ANKRD6: variants seen among roughly 807,000 people sequenced by gnomAD.
ANKRD6 encodes the protein ankyrin repeat domain 6.
Under a neutral mutation model 82.3 loss-of-function variants are expected in ANKRD6, and 56 were observed. That is an observed-to-expected ratio of 0.68 (90% confidence interval 0.55 to 0.85). The LOEUF (loss-of-function observed/expected upper bound fraction) is 0.85. Ranked by LOEUF, ANKRD6 falls within the 40% of genes least tolerant of loss-of-function variation. The pLI, the probability that ANKRD6 is intolerant of heterozygous loss-of-function variation, is 0.00. For missense variants in ANKRD6, 852 were observed against 907.6 expected, an observed-to-expected ratio of 0.94 and a Z score of 0.79; for synonymous variants, 347 against 352.1, an observed-to-expected ratio of 0.99 and a Z score of 0.16.
At chr6:89,620,820 C>T (rs1802956058) in intron 9 of ANKRD6, among the ~76,000 whole-genome samples, 1 of 152,122 alleles carries the variant, frequency 6.6e-6, no homozygotes, top group Non-Finnish European at 1.5e-5. Context: ...AATCCCAGCA[C>T]TTTGGGAGCC....
At chr6:89,484,512 T>C (rs1777150653) in intron 1 of ANKRD6, among the ~76,000 whole-genome samples, 1 of 152,226 alleles carries the variant, frequency 6.6e-6, no homozygotes, top group Admixed American at 6.5e-5. Flanking sequence ...TAGGACTCAC[T>C]TCCTTAACTG....
rs1051704576 is a variant in ANKRD6 at position 89,632,789 on chromosome 6, T to A, written c.*1785T>A. On this transcript the variant is annotated 3_prime_UTR_variant, in exon 16 of 16. Transcript: ENST00000339746. ...AATACAGAATTGTAGAGCTGGAGAG[T>A]ACCTTCAGTTTTCTAAATCTATTCT... 1.3e-5 allele frequency: 2 copies of A among 152,158 alleles called. No individual in the cohort carries two copies. Among genetic ancestry groups the A allele is most frequent in the Non-Finnish European group, 2.9e-5 (2 of 68,030 alleles). 9.4% of individuals were successfully genotyped at this position (152,158 alleles called of 1,614,324 possible). A position where few individuals can be genotyped will look rare whatever the true frequency, so the allele number is the denominator to read the frequency against.
chr6:89,435,531 A>AT (rs1295014171), intron 1 of ANKRD6, among the ~76,000 whole-genome samples: 29 of 152,252 alleles, frequency 1.9e-4, no homozygotes, highest in Non-Finnish European at 3.8e-4. Context: ...AAAGCAGGCT[A>AT]TTGAGGGTAA....
chr6:89,504,386 G>GTC (rs975915590), intron 1 of ANKRD6, among the ~76,000 whole-genome samples: 1 of 151,628 alleles, frequency 6.6e-6, no homozygotes, highest in African/African-American at 2.4e-5. Context: ...TTGTAGGACA[G>GTC]TCTCTCTCTC....
At chr6:89,549,937 G>GA (rs1295287271) in intron 1 of ANKRD6, among the ~76,000 whole-genome samples, 9 of 150,790 alleles carry the variant, frequency 6.0e-5, no homozygotes, top group Admixed American at 1.3e-4. Context: ...GAAAAAAAAA[G>GA]AAAAAAAAAT....
At chr6:89,619,718 G>A (rs182834636) in intron 9 of ANKRD6, 5 of 152,274 alleles carry the variant, frequency 3.3e-5, no homozygotes, top group East Asian at 1.9e-4. Flanking sequence ...AAGATGTTAC[G>A]CATACTGTTC....
At chr6:89,485,315 G>A (rs1392634562) in intron 1 of ANKRD6, among the ~76,000 whole-genome samples, 6 of 152,230 alleles carry the variant, frequency 3.9e-5, no homozygotes, top group Admixed American at 3.9e-4. Context: ...GTCATACCCA[G>A]TAATGCTGGG....
At chr6:89,575,433 C>G (rs1253499245) in intron 2 of ANKRD6, among the ~76,000 whole-genome samples, 1 of 152,000 alleles carries the variant, frequency 6.6e-6, no homozygotes, top group Non-Finnish European at 1.5e-5. Context: ...TTTTGAGCCC[C>G]AACACTGGTA....
At chr6:89,466,629 G>C (rs1476986542) in intron 1 of ANKRD6, among the ~76,000 whole-genome samples, 1 of 152,030 alleles carries the variant, frequency 6.6e-6, no homozygotes, top group Non-Finnish European at 1.5e-5. Flanking sequence ...TGAATTTTTT[G>C]TGCACATTTT....
At chr6:89,549,682 A>T (rs1052881887) in intron 1 of ANKRD6, among the ~76,000 whole-genome samples, 3 of 152,124 alleles carry the variant, frequency 2.0e-5, no homozygotes, top group Non-Finnish European at 2.9e-5. Flanking sequence ...TTTTTATGTG[A>T]CTTTTTGAAG....
intron 1 of ANKRD6, among the ~76,000 whole-genome samples, chr6:89,550,171 AGGTATATAT>A (rs1214670313): frequency 6.6e-6 from 1 of 152,212 alleles, no homozygotes; most frequent in Non-Finnish European, 1.5e-5. Flanking sequence ...TTCTGCTGTT[AGGTATATAT>A]GGTATATATA....
At chr6:89,495,257 C>G (rs1354902978) in intron 1 of ANKRD6, among the ~76,000 whole-genome samples, 1 of 151,142 alleles carries the variant, frequency 6.6e-6, no homozygotes, top group South Asian at 2.1e-4. Flanking sequence ...CAAAACAAAA[C>G]AAAACAGAAG....
chr6:89,630,483 T>C lies in ANKRD6; in HGVS notation c.1663T>C (p.Ser555Pro). Reference protein sequence around the residue: ...TAGPAAASDSSPPVVRPKEKA... With the variant: ...TAGPAAASDSPPPVVRPKEKA... ...AGGTCCAGCAGCAGCTTCCGACAGC[T>C]CCCCTCCAGTGGTTAGGCCCAAAGA... The change falls in exon 16 of 16, where the codon TCC becomes CCC. Residue 555 changes from serine (S) to proline (P), a missense_variant. Coordinates refer to ENST00000339746, the MANE Select transcript of ANKRD6 (RefSeq NM_001242809.2). 6.2e-7 allele frequency: 1 copy of C among 1,613,900 alleles called. No individual in the cohort carries two copies. Among genetic ancestry groups the C allele is most frequent in the Non-Finnish European group, 8.5e-7 (1 of 1,179,844 alleles).
intron 15 of ANKRD6, 120 bp downstream of exon 15, chr6:89,629,358 G>A: frequency 7.1e-7 from 1 of 1,406,282 alleles, no homozygotes; most frequent in Non-Finnish European, 9.8e-7. Flanking sequence ...ATGGTAAAGT[G>A]CACTCTGTAG....
At chr6:89,587,190 CAAA>C (rs36065437) in intron 2 of ANKRD6, among the ~76,000 whole-genome samples, 15 of 84,278 alleles carry the variant, frequency 1.8e-4, no homozygotes, top group African/African-American at 4.7e-4. Flanking sequence ...AACTCCGTCT[CAAA>C]AAAAAAAAAA....
intron 1 of ANKRD6, among the ~76,000 whole-genome samples, chr6:89,503,707 G>C (rs1779510145): frequency 2.6e-5 from 4 of 152,182 alleles, no homozygotes. Context: ...TAAGTGCTAA[G>C]ACTGCAGTTT....
chr6:89,618,738 T>C (rs900003651), intron 9 of ANKRD6, among the ~76,000 whole-genome samples: 47 of 152,212 alleles, frequency 3.1e-4, no homozygotes, highest in Admixed American at 6.5e-5. Flanking sequence ...ATATACCCTT[T>C]TGTATTTCTT....
intron 9 of ANKRD6, chr6:89,619,994 G>A (rs1802607746): frequency 6.6e-6 from 1 of 152,290 alleles, no homozygotes. Context: ...TGGGATTACA[G>A]GTGCCTGCCA....
chr6:89,493,966 T>C (rs1778318545), intron 1 of ANKRD6, among the ~76,000 whole-genome samples: 1 of 152,196 alleles, frequency 6.6e-6, no homozygotes, highest in Non-Finnish European at 1.5e-5. Context: ...CTTGTTAAAA[T>C]GGTAAAGGAG....
Sources: allele counts gnomAD v4.1 joint callset (sites outside exome capture counted in the v4.1 genomes callset), GRCh38; gene constraint gnomAD v4.1.1; transcripts MANE v1.5; gene names NCBI Gene and HGNC (gene_info 2026-07-23, HGNC 2026-07-21).